Variants in MACF1 observed in about 807,000 individuals in gnomAD.
The protein encoded by MACF1 is microtubule-actin cross-linking factor 1.
In MACF1, 193 loss-of-function variants were observed where a neutral mutation model predicts 854.8. That is an observed-to-expected ratio of 0.23 (90% CI 0.20 to 0.25). The LOEUF (loss-of-function observed/expected upper bound fraction) is 0.25. MACF1 is among the 10% of genes least tolerant of loss of function. The pLI is 1.00. For missense variants in MACF1, 7,722 were observed against 8,929.1 expected (o/e 0.86, Z 5.45); for synonymous variants, 3,185 against 3,226.7 (o/e 0.99, Z 0.44).
intron 23 of MACF1, chr1:39,304,569 T>C (rs944856719): frequency 1.3e-5 from 11 of 879,780 alleles, no homozygotes; most frequent in South Asian, 5.9e-5. Flanking sequence ...TTCTTTCTTT[T>C]TTTTTTTTTC....
chr1:39,334,825 T>G lies in MACF1; in HGVS notation c.8237T>G (p.Ile2746Ser), dbSNP rs1215731436. The G allele has an allele frequency of 1.2e-6, 2 of 1,614,148 alleles. No individual in the cohort carries two copies. ...SDQRVTLVEA[I>S]EKRLISPELA... is the part of the protein sequence containing the mutation. ...CAGAGAGTGACTTTAGTAGAAGCTA[T>G]TGAGAAAAGACTGATCAGCCCTGAA... Residue 2746 changes from isoleucine to serine, a missense_variant, in exon 37 of 101, where the codon ATT (isoleucine) becomes AGT (serine). Transcript: ENST00000564288.
chr1:39,421,332 G>C (rs1643529578), intron 58 of MACF1, among the ~76,000 whole-genome samples: 1 of 152,208 alleles, frequency 6.6e-6, no homozygotes, highest in South Asian at 2.1e-4. Flanking sequence ...GGTAAACGTG[G>C]ATAATACAGT....
intron 2 of MACF1, among the ~76,000 whole-genome samples, chr1:39,088,547 G>A (rs770183654): frequency 1.3e-5 from 2 of 152,200 alleles, no homozygotes; most frequent in Non-Finnish European, 2.9e-5. Flanking sequence ...GGAAAGGGGA[G>A]AGACAAAGAT....
At chr1:39,085,010 C>G (rs902672304) in intron 2 of MACF1, among the ~76,000 whole-genome samples, 1 of 152,178 alleles carries the variant, frequency 6.6e-6, no homozygotes, top group Non-Finnish European at 1.5e-5. Flanking sequence ...ACCTTTCACA[C>G]GACGTGAAGG....
At position 39,316,470 on chromosome 1, in the gene MACF1, CAAG is replaced by C. The variant is rs764147587; in HGVS notation, c.3536_3538del (p.Glu1179del). The C allele has an allele frequency of 2.5e-5, 41 of 1,613,732 alleles. No homozygotes were observed. Among genetic ancestry groups the C allele is most frequent in the Non-Finnish European group, 2.4e-5 (28 of 1,179,862 alleles). On this transcript the variant is annotated inframe_deletion, in exon 28 of 101. Coordinates refer to ENST00000564288, the MANE Select transcript of MACF1 (RefSeq NM_001394062.1). ...CAAAGGTTATGAGATTAAGCTGAGTCAAGAAGAAGTAGTACTGGCAGATCTCTC... is the reference window on the plus strand; with the variant it reads ...CAAAGGTTATGAGATTAAGCTGAGTCAAGAAGTAGTACTGGCAGATCTCTC...
chr1:39,437,847 T>C lies in MACF1; in HGVS notation c.18059T>C (p.Leu6020Pro), dbSNP rs759495786. Residue 6020 changes from leucine to proline, a missense_variant, in exon 71 of 101, where the codon CTG (leucine) becomes CCG (proline). Physicochemically the swap from Leu to Pro is moderately conservative, Grantham distance 98. Coordinates refer to ENST00000564288, the MANE Select transcript of MACF1 (RefSeq NM_001394062.1). ...TCCTCTCGCCTGCGTATGCCACCAC[T>C]GATCCCTGCTGAAGTAGACAAGATC... ...NLSSRLRMPP[L>P]IPAEVDKIRE... is the part of the protein sequence containing the mutation. The C allele has an allele frequency of 4.3e-6, 7 of 1,614,158 alleles. No homozygotes were observed. The highest frequency in any genetic ancestry group is 1.6e-4 in the Middle Eastern group (1 of 6,062).
At chr1:39,129,113 A>G (rs1039503231) in intron 2 of MACF1, among the ~76,000 whole-genome samples, 1 of 152,140 alleles carries the variant, frequency 6.6e-6, no homozygotes, top group East Asian at 1.9e-4. Context: ...AGGTGCTTAG[A>G]GCCGGAAGCC....
At chr1:39,264,925 C>T (rs1276075777) in intron 6 of MACF1, among the ~76,000 whole-genome samples, 3 of 152,020 alleles carry the variant, frequency 2.0e-5, no homozygotes, top group African/African-American at 4.8e-5. Flanking sequence ...CCACCCGCCT[C>T]GGCCTCCCAA....
In MACF1 at chr1:39,382,054, C is replaced by T. The variant is rs1231174089; in HGVS notation, c.13750C>T (p.Leu4584Phe). 6 of 1,614,052 alleles carry T rather than the reference C, an allele frequency of 3.7e-6. No individual in the cohort carries two copies. In the Admixed American group the frequency reaches 1.0e-4, roughly 27 times the overall value. The change falls in exon 56 of 101, where the codon CTC (leucine) becomes TTC (phenylalanine). Residue 4584 changes from leucine to phenylalanine, a missense_variant. Coordinates refer to ENST00000564288, the MANE Select transcript of MACF1 (RefSeq NM_001394062.1). ...CTGCTTCCAGGCTGCAGAATCCCAG[C>T]TCCGGCCGTGGCTGATGGAGAAAGA... ...LACFQAAESQ[L>F]RPWLMEKELM...
At chr1:39,414,796 A>C (rs979691552) in intron 58 of MACF1, among the ~76,000 whole-genome samples, 1 of 152,238 alleles carries the variant, frequency 6.6e-6, no homozygotes, top group Non-Finnish European at 1.5e-5. Flanking sequence ...TGAATTATAC[A>C]GTGAGCATGT....
At chr1:39,232,633 A>C (rs1157142768) in intron 2 of MACF1, among the ~76,000 whole-genome samples, 1 of 152,170 alleles carries the variant, frequency 6.6e-6, no homozygotes, top group East Asian at 1.9e-4. Flanking sequence ...TGGGATGCAA[A>C]GAAACATAAG....
intron 36 of MACF1, among the ~76,000 whole-genome samples, chr1:39,330,028 C>A (rs886422166): frequency 6.6e-6 from 1 of 152,194 alleles, no homozygotes; most frequent in Non-Finnish European, 1.5e-5. Flanking sequence ...GCCTCATTTT[C>A]ATTTCTTCAA....
chr1:39,135,539 G>T (rs2148177710), intron 2 of MACF1, among the ~76,000 whole-genome samples: 1 of 152,248 alleles, frequency 6.6e-6, no homozygotes, highest in South Asian at 2.1e-4. Flanking sequence ...CGTCCGGCCA[G>T]ATTATTTTTA....
At chr1:39,268,517 A>AT in intron 6 of MACF1, 1 of 1,152,294 alleles carries the variant, frequency 8.7e-7, no homozygotes, top group East Asian at 6.5e-5. Context: ...GGCTGTCTGA[A>AT]TCGGCAGCGG....
intron 2 of MACF1, among the ~76,000 whole-genome samples, chr1:39,188,379 G>C (rs565587464): frequency 6.6e-6 from 1 of 152,278 alleles, no homozygotes; most frequent in African/African-American, 2.4e-5. Flanking sequence ...CTACACTCCA[G>C]CTTGGGCAAC....
intron 5 of MACF1, chr1:39,257,685 A>G: frequency 2.4e-6 from 1 of 421,434 alleles, no homozygotes; most frequent in Non-Finnish European, 4.3e-6. Context: ...GGATCAGATC[A>G]GTGGTTGTCA....
At chr1:39,132,147 A>G (rs1388744632) in intron 2 of MACF1, among the ~76,000 whole-genome samples, 2 of 152,336 alleles carry the variant, frequency 1.3e-5, no homozygotes, top group African/African-American at 4.8e-5. Context: ...GGGTAGAGAA[A>G]GGAAGCATTG....
intron 2 of MACF1, among the ~76,000 whole-genome samples, chr1:39,181,115 C>T (rs112672438): frequency 0.16 from 24,292 of 152,180 alleles, 2,416 homozygotes; most frequent in Middle Eastern, 0.22. Flanking sequence ...GCCACGTTGT[C>T]CAGGCTGGCT....
intron 2 of MACF1, among the ~76,000 whole-genome samples, chr1:39,092,539 G>A (rs12118033): frequency 0.077 from 11,721 of 152,136 alleles, 527 homozygotes; most frequent in Non-Finnish European, 0.093. Context: ...TGTGCATGGC[G>A]CCCCCTGGCC....
Sources: gnomAD v4.1 joint callset for allele counts (sites outside exome capture counted in the v4.1 genomes callset) on GRCh38, gnomAD v4.1.1 for gene constraint, MANE v1.5 for transcripts, NCBI Gene and HGNC (gene_info 2026-07-23, HGNC 2026-07-21) for gene names.